RBM47: variants seen among roughly 807,000 people sequenced by gnomAD.
RBM47 encodes the protein RNA-binding protein 47.
RBM47 carries 21 observed loss-of-function variants against 47.1 expected under a neutral mutation model. That is an observed-to-expected ratio of 0.45 (90% CI 0.32 to 0.64). RBM47 has a LOEUF of 0.64. Ranked by LOEUF, RBM47 falls within the 30% of genes least tolerant of loss-of-function variation. The probability of loss-of-function intolerance (pLI) is 0.05; values close to 1 mark genes in which losing one functional copy is unlikely to be tolerated. For synonymous variants in RBM47, 375 were observed against 361.7 expected (o/e 1.04, Z -0.42); for missense variants, 708 against 870.9 (o/e 0.81, Z 2.35).
chr4:40,573,375 A>C (rs1388296032), intron 1 of RBM47, among the ~76,000 whole-genome samples: 3 of 151,812 alleles, frequency 2.0e-5, no homozygotes, highest in Non-Finnish European at 4.4e-5. Context: ...TTAGCTTAAA[A>C]TTTGTTCAAA....
At chr4:40,511,624 G>A (rs1026473082) in intron 2 of RBM47, among the ~76,000 whole-genome samples, 1 of 152,196 alleles carries the variant, frequency 6.6e-6, no homozygotes, top group Non-Finnish European at 1.5e-5. Flanking sequence ...ATCCAACGTA[G>A]CCTTTGTTGA....
intron 1 of RBM47, among the ~76,000 whole-genome samples, chr4:40,547,864 T>A (rs1471082829): frequency 2.0e-5 from 3 of 152,244 alleles, no homozygotes; most frequent in Non-Finnish European, 4.4e-5. Context: ...CCATTATTAA[T>A]GCTTTCAACA....
At chr4:40,571,378 G>A (rs1328902619) in intron 1 of RBM47, among the ~76,000 whole-genome samples, 1 of 151,948 alleles carries the variant, frequency 6.6e-6, no homozygotes, top group African/African-American at 2.4e-5. Context: ...CTGAATAAGT[G>A]GTGTTGGGAC....
At chr4:40,512,465 C>T (rs1316732692) in intron 2 of RBM47, among the ~76,000 whole-genome samples, 1 of 140,186 alleles carries the variant, frequency 7.1e-6, no homozygotes, top group East Asian at 2.1e-4. Flanking sequence ...CCTGTAATCC[C>T]AGCACTTTGG....
At chr4:40,581,614 AAGG>A (rs1732954237) in intron 1 of RBM47, among the ~76,000 whole-genome samples, 1 of 151,414 alleles carries the variant, frequency 6.6e-6, no homozygotes, top group African/African-American at 2.4e-5. Context: ...AGTGGATGAG[AAGG>A]TGGGGGTGGT....
At chr4:40,567,318 A>G (rs528489938) in intron 1 of RBM47, among the ~76,000 whole-genome samples, 39 of 152,140 alleles carry the variant, frequency 2.6e-4, no homozygotes, top group African/African-American at 8.9e-4. Context: ...ATTACAACTA[A>G]CATTTATCGA....
At chr4:40,609,927 T>C (rs934597192) in intron 1 of RBM47, among the ~76,000 whole-genome samples, 3 of 151,822 alleles carry the variant, frequency 2.0e-5, no homozygotes, top group Non-Finnish European at 2.9e-5. Context: ...AAACTGTCTC[T>C]ACTAAAAATA....
intron 1 of RBM47, among the ~76,000 whole-genome samples, chr4:40,555,310 G>A (rs375096757): frequency 1.4e-4 from 22 of 152,224 alleles, no homozygotes; most frequent in East Asian, 5.8e-4. Flanking sequence ...CAAGTAATCC[G>A]TCCATCTCAG....
At chr4:40,608,736 G>A (rs1216185442) in intron 1 of RBM47, among the ~76,000 whole-genome samples, 3 of 152,162 alleles carry the variant, frequency 2.0e-5, no homozygotes, top group African/African-American at 7.2e-5. Flanking sequence ...GCTCAAGTTG[G>A]TGTTAGTAAG....
intron 1 of RBM47, among the ~76,000 whole-genome samples, chr4:40,595,958 T>A (rs1367653941): frequency 2.0e-5 from 3 of 151,740 alleles, no homozygotes; most frequent in Non-Finnish European, 4.4e-5. Flanking sequence ...TTTTTGCTGG[T>A]CTTCATGTAT....
At chr4:40,492,621 T>C (rs1209591517) in intron 2 of RBM47, among the ~76,000 whole-genome samples, 2 of 152,208 alleles carry the variant, frequency 1.3e-5, no homozygotes, top group East Asian at 1.9e-4. Context: ...AACCTCACCA[T>C]GCAGAATTAT....
chr4:40,611,261 CAA>C (rs1217609501), intron 1 of RBM47, among the ~76,000 whole-genome samples: 1 of 152,130 alleles, frequency 6.6e-6, no homozygotes, highest in Non-Finnish European at 1.5e-5. Context: ...CTAGAAAGCA[CAA>C]AAGAGTATTT....
At position 40,568,206 on chromosome 4, in the gene RBM47, A is replaced by G. The variant is rs1731275723; in HGVS notation, c.-239-23700T>C. Among the ~76,000 whole-genome samples the G allele has an allele frequency of 2.0e-5, 3 of 151,712 alleles. No homozygotes were observed. In the South Asian group the frequency reaches 6.2e-4, roughly 31 times the overall value. On this transcript the variant is annotated intron_variant, in intron 1 of 6. Transcript: ENST00000295971. ...TTTGGGAGGCGAAGGCAGGACGATC[A>G]ATTGAGCTCAGAAGTTCGAGACCAG...
chr4:40,466,280 A>AC (rs1216934935), intron 3 of RBM47, among the ~76,000 whole-genome samples: 1 of 151,808 alleles, frequency 6.6e-6, no homozygotes, highest in Non-Finnish European at 1.5e-5. Context: ...AAAAAAAAAA[A>AC]AAAAAGAAAG....
intron 1 of RBM47, among the ~76,000 whole-genome samples, chr4:40,571,272 T>A (rs1411212279): frequency 6.6e-6 from 1 of 151,704 alleles, no homozygotes; most frequent in Non-Finnish European, 1.5e-5. Flanking sequence ...GTCAAAACAA[T>A]GGAATGGGAT....
At chr4:40,609,149 C>T (rs1439512744) in intron 1 of RBM47, among the ~76,000 whole-genome samples, 3 of 152,114 alleles carry the variant, frequency 2.0e-5, no homozygotes, top group Non-Finnish European at 4.4e-5. Flanking sequence ...CCCACCACCA[C>T]GTCCAGCTAT....
intron 6 of RBM47, chr4:40,427,331 G>A (rs188402251): frequency 1.2e-4 from 18 of 152,340 alleles, no homozygotes; most frequent in African/African-American, 3.8e-4. Context: ...TTCCAAATGA[G>A]GAAGAAGTGG....
chr4:40,500,167 G>T (rs1723147024), intron 2 of RBM47, among the ~76,000 whole-genome samples: 1 of 152,136 alleles, frequency 6.6e-6, no homozygotes, highest in African/African-American at 2.4e-5. Context: ...TACAAAATTA[G>T]CCGGGTGTGG....
intron 1 of RBM47, among the ~76,000 whole-genome samples, chr4:40,599,861 G>T (rs1196385611): frequency 4.6e-5 from 7 of 152,140 alleles, no homozygotes; most frequent in Non-Finnish European, 2.9e-5. Flanking sequence ...TCCAAATCAT[G>T]AGATAGTAGG....
Sources: gnomAD v4.1 joint callset for allele counts (sites outside exome capture counted in the v4.1 genomes callset) on GRCh38, gnomAD v4.1.1 for gene constraint, MANE v1.5 for transcripts, NCBI Gene and HGNC (gene_info 2026-07-23, HGNC 2026-07-21) for gene names.